The following FBXW11 variants were observed in gnomAD, a reference collection of about 807,000 sequenced individuals.
FBXW11 encodes F-box/WD repeat-containing protein 11.
In FBXW11, 19 loss-of-function variants were observed where a neutral mutation model predicts 77.6. The ratio of observed to expected loss-of-function variants is 0.24; its 90% CI spans 0.17 to 0.36. FBXW11 has a LOEUF of 0.36. Ranked by LOEUF, FBXW11 falls within the 10% of genes least tolerant of loss-of-function variation. FBXW11 has a pLI of 1.00. For missense variants in FBXW11, 334 were observed against 704.2 expected (o/e 0.47, Z 5.95); for synonymous variants, 235 against 249.4 (o/e 0.94, Z 0.54).
intron 1 of FBXW11, among the ~76,000 whole-genome samples, chr5:171,992,376 G>A (rs757839363): frequency 5.3e-5 from 8 of 151,916 alleles, no homozygotes; most frequent in Admixed American, 2.0e-4. Flanking sequence ...GCAGTGAGCC[G>A]AGGCCATGCC....
chr5:171,895,852 C>A (rs942079525), intron 6 of FBXW11, among the ~76,000 whole-genome samples: 2 of 152,196 alleles, frequency 1.3e-5, no homozygotes, highest in Non-Finnish European at 2.9e-5. Flanking sequence ...CTCTAGACAG[C>A]AAAGGAGAAT....
chr5:171,923,474 G>A (rs973730989), intron 2 of FBXW11, among the ~76,000 whole-genome samples: 1 of 151,852 alleles, frequency 6.6e-6, no homozygotes, highest in African/African-American at 2.4e-5. Flanking sequence ...TTCTTCTAAC[G>A]TCATAAAGAT....
intron 1 of FBXW11, among the ~76,000 whole-genome samples, chr5:171,968,175 T>G (rs914208023): frequency 1.3e-4 from 20 of 151,706 alleles, no homozygotes; most frequent in African/African-American, 4.8e-4. Flanking sequence ...AGAATTTGGT[T>G]GCCGGGCGCA....
intron 2 of FBXW11, among the ~76,000 whole-genome samples, chr5:171,950,878 C>T (rs1448413011): frequency 5.3e-5 from 8 of 151,996 alleles, no homozygotes; most frequent in African/African-American, 9.7e-5. Flanking sequence ...CAGAGTTAGA[C>T]TCGGTCTCAA....
At chr5:171,884,342 T>C (rs750049115) in intron 7 of FBXW11, among the ~76,000 whole-genome samples, 48 of 152,192 alleles carry the variant, frequency 3.2e-4, no homozygotes, top group Admixed American at 2.9e-3. Flanking sequence ...CAAAGATCAG[T>C]TGGCTGTAAG....
At chr5:171,937,534 A>G (rs1204257571) in intron 2 of FBXW11, among the ~76,000 whole-genome samples, 1 of 152,158 alleles carries the variant, frequency 6.6e-6, no homozygotes, top group African/African-American at 2.4e-5. Context: ...ATAAAACTTT[A>G]TTTATAAAAA....
Position 171,952,422 on chromosome 5 carries a change from CATATAT to C in FBXW11, c.147+5169_147+5174del, listed in dbSNP as rs1198809796. On this transcript the variant is annotated intron_variant, in intron 2 of 13. Transcript: ENST00000517395. ...TGTGTGTGTGTGTTGTGTGTACATA[CATATAT>C]ATATATATATATATATATATTTTTT... Among the ~76,000 whole-genome samples the C allele has an allele frequency of 3.1e-3, 46 of 14,644 alleles. 6 individuals carry two copies. Among genetic ancestry groups the C allele is most frequent in the African/African-American group, 7.8e-3 (41 of 5,288 alleles). 9.6% of individuals were successfully genotyped at this position (14,644 alleles called of 152,430 possible).
intron 2 of FBXW11, among the ~76,000 whole-genome samples, chr5:171,957,356 GA>G (rs1191721092): frequency 6.6e-6 from 1 of 152,150 alleles, no homozygotes; most frequent in Non-Finnish European, 1.5e-5. Context: ...AAGGTGAGGG[GA>G]AAAGAGTAAA....
At chr5:171,946,215 C>T (rs1762999559) in intron 2 of FBXW11, among the ~76,000 whole-genome samples, 1 of 152,154 alleles carries the variant, frequency 6.6e-6, no homozygotes, top group Non-Finnish European at 1.5e-5. Flanking sequence ...TCTTGCCAGC[C>T]CCCATGGTCA....
At chr5:171,894,616 AC>A (rs1196806936) in intron 6 of FBXW11, among the ~76,000 whole-genome samples, 1 of 151,618 alleles carries the variant, frequency 6.6e-6, no homozygotes, top group East Asian at 1.9e-4. Flanking sequence ...CCTGTCAACT[AC>A]GCCGGCCTAA....
rs964277657 is a variant in FBXW11 at position 171,876,729 on chromosome 5, C to G, written c.972-195G>C. 1.3e-5 allele frequency among the ~76,000 whole-genome samples: 2 copies of G among 152,164 alleles called. No homozygotes were observed. Among genetic ancestry groups the G allele is most frequent in the Non-Finnish European group, 2.9e-5 (2 of 68,012 alleles). On this transcript the variant is annotated intron_variant, in intron 8 of 13. Coordinates refer to ENST00000517395, the MANE Select transcript of FBXW11 (RefSeq NM_001378974.1). This position sits in a 1 kb window ranked among gnomAD's most constrained non-coding sequence, Gnocchi z 4.2. Reference sequence around the variant, plus strand: ...TGTTTTGGGTCATGGTGGTGTATCACTCATGAATGGCTTGGTGCCATTCTC... The same window carrying G: ...TGTTTTGGGTCATGGTGGTGTATCAGTCATGAATGGCTTGGTGCCATTCTC...
At chr5:171,933,314 A>C (rs1192297763) in intron 2 of FBXW11, among the ~76,000 whole-genome samples, 1 of 152,154 alleles carries the variant, frequency 6.6e-6, no homozygotes, top group Non-Finnish European at 1.5e-5. Flanking sequence ...TGGGAAAGGC[A>C]AAACTATGGA....
intron 2 of FBXW11, among the ~76,000 whole-genome samples, chr5:171,930,801 C>T (rs931098315): frequency 2.5e-5 from 3 of 122,064 alleles, no homozygotes; most frequent in African/African-American, 8.8e-5. Flanking sequence ...ATTAACAAAA[C>T]AGCCCCTGGA....
At chr5:171,890,797 G>C (rs1285888627) in intron 7 of FBXW11, among the ~76,000 whole-genome samples, 1 of 152,194 alleles carries the variant, frequency 6.6e-6, no homozygotes, top group Non-Finnish European at 1.5e-5. Context: ...GGCAGGACAA[G>C]GGAATTGGGG....
chr5:171,906,687 G>A (rs1466340014), intron 4 of FBXW11, among the ~76,000 whole-genome samples: 4 of 152,150 alleles, frequency 2.6e-5, no homozygotes, highest in Non-Finnish European at 5.9e-5. Flanking sequence ...TTCCCACACA[G>A]AGGAGGAAAC....
At chr5:171,977,347 AAAGAGG>A (rs1764890793) in intron 1 of FBXW11, among the ~76,000 whole-genome samples, 1 of 151,944 alleles carries the variant, frequency 6.6e-6, no homozygotes, top group Admixed American at 6.6e-5. Flanking sequence ...AAGAAAAAAG[AAAGAGG>A]AAGAGAAAGA....
rs1204883587 is a variant in FBXW11 at position 171,878,598 on chromosome 5, G to GAC, written c.853-470_853-469insGT. Among the ~76,000 whole-genome samples, 208 of 63,384 alleles carry GAC rather than the reference G, an allele frequency of 3.3e-3. 1 individual carries two copies. Among genetic ancestry groups the GAC allele is most frequent in the South Asian group, 5.9e-3 (8 of 1,346 alleles). The allele number at this position is 63,384 out of a possible 152,430, so 41.6% of individuals were successfully genotyped here. A position where few individuals can be genotyped will look rare whatever the true frequency, so the allele number is the denominator to read the frequency against. Reference sequence around the variant, plus strand: ...TGTGTGTGTGTGTGTGTGTAAGAGAGAGAGAGTGTGTGTGTGTGTGTGTGT... The same window carrying GAC: ...TGTGTGTGTGTGTGTGTGTAAGAGAGACAGAGAGTGTGTGTGTGTGTGTGTGT... On this transcript the variant is annotated intron_variant, in intron 7 of 13. Coordinates refer to ENST00000517395, the MANE Select transcript of FBXW11 (RefSeq NM_001378974.1).
intron 1 of FBXW11, among the ~76,000 whole-genome samples, chr5:171,962,350 A>G (rs1164851530): frequency 6.6e-5 from 10 of 152,202 alleles, no homozygotes; most frequent in Admixed American, 4.6e-4. Flanking sequence ...GCCAAGATAC[A>G]TTTGTTATAA....
At chr5:171,951,766 T>C (rs1184873378) in intron 2 of FBXW11, among the ~76,000 whole-genome samples, 1 of 152,098 alleles carries the variant, frequency 6.6e-6, no homozygotes, top group Non-Finnish European at 1.5e-5. Flanking sequence ...CCATCATGCC[T>C]GGCCTTTATT....
Sources: allele counts gnomAD v4.1 joint callset (sites outside exome capture counted in the v4.1 genomes callset), GRCh38; gene constraint gnomAD v4.1.1; non-coding constraint Gnocchi (gnomAD v3.1); transcripts MANE v1.5; gene names NCBI Gene and HGNC (gene_info 2026-07-23, HGNC 2026-07-21).